Variants in MTUS2 observed in about 807,000 individuals in gnomAD.
The protein encoded by MTUS2 is microtubule associated scaffold protein 2.
MTUS2 carries 40 observed loss-of-function variants against 114.1 expected under a neutral mutation model. The ratio of observed to expected loss-of-function variants is 0.35; its 90% confidence interval spans 0.27 to 0.46. MTUS2 has a LOEUF of 0.46. MTUS2 is among the 20% of genes least tolerant of loss of function. The pLI is 1.00. For synonymous variants in MTUS2, 688 were observed against 672.0 expected, an observed-to-expected ratio of 1.02 and a Z score of -0.37; for missense variants, 1,679 against 1,705.4, an observed-to-expected ratio of 0.98 and a Z score of 0.27.
chr13:28,970,289 A>T (rs1012606776), intron 2 of MTUS2, among the ~76,000 whole-genome samples: 2 of 152,224 alleles, frequency 1.3e-5, no homozygotes, highest in African/African-American at 4.8e-5. Flanking sequence ...AGAATAATAT[A>T]AATTTTTTAT....
chr13:29,442,311 A>T (rs1423561749), intron 9 of MTUS2, among the ~76,000 whole-genome samples: 1 of 152,214 alleles, frequency 6.6e-6, no homozygotes, highest in Non-Finnish European at 1.5e-5. Flanking sequence ...GGTAAGTCTA[A>T]GCCACTTAAG....
chr13:28,895,638 G>T (rs1052239416), intron 2 of MTUS2, among the ~76,000 whole-genome samples: 1 of 152,190 alleles, frequency 6.6e-6, no homozygotes, highest in African/African-American at 2.4e-5. Context: ...GGTCCATGAA[G>T]ATGAGTATTA....
At chr13:29,293,770 C>G (rs1174830778) in intron 6 of MTUS2, among the ~76,000 whole-genome samples, 1 of 151,990 alleles carries the variant, frequency 6.6e-6, no homozygotes, top group Non-Finnish European at 1.5e-5. Flanking sequence ...TGAGATAGAT[C>G]TACATGAATT....
At chr13:29,044,030 A>G (rs1314364590) in intron 4 of MTUS2, among the ~76,000 whole-genome samples, 1 of 152,088 alleles carries the variant, frequency 6.6e-6, no homozygotes, top group Non-Finnish European at 1.5e-5. Context: ...CTTTTGAGTT[A>G]CTCATTTAAT....
At chr13:29,164,511 T>G (rs1893233696) in intron 5 of MTUS2, among the ~76,000 whole-genome samples, 1 of 152,236 alleles carries the variant, frequency 6.6e-6, no homozygotes, top group Admixed American at 6.5e-5. Context: ...AAAGATTGGT[T>G]ATTGACAGGG....
At chr13:28,935,096 T>C (rs576859254) in intron 2 of MTUS2, among the ~76,000 whole-genome samples, 2 of 151,144 alleles carry the variant, frequency 1.3e-5, no homozygotes, top group East Asian at 3.9e-4. Flanking sequence ...GTCTGGCTTC[T>C]TTTGCTGTAC....
At chr13:28,894,546 C>A (rs1879152265) in intron 2 of MTUS2, among the ~76,000 whole-genome samples, 1 of 152,200 alleles carries the variant, frequency 6.6e-6, no homozygotes, top group South Asian at 2.1e-4. Context: ...AGTCTGTCCA[C>A]TCCGTGGTGT....
intron 2 of MTUS2, among the ~76,000 whole-genome samples, chr13:28,931,342 C>G (rs898751989): frequency 6.6e-6 from 1 of 152,126 alleles, no homozygotes; most frequent in Non-Finnish European, 1.5e-5. Context: ...CTCAACTTCC[C>G]CAGGTGTTGA....
intron 2 of MTUS2, among the ~76,000 whole-genome samples, chr13:28,898,365 C>T (rs1028984063): frequency 1.2e-4 from 19 of 152,160 alleles, no homozygotes; most frequent in Admixed American, 1.3e-4. Context: ...AACCTAAAAA[C>T]CTTTCTTGTC....
intron 2 of MTUS2, among the ~76,000 whole-genome samples, chr13:28,870,851 T>C (rs1159166532): frequency 6.6e-6 from 1 of 152,224 alleles, no homozygotes; most frequent in African/African-American, 2.4e-5. Flanking sequence ...TGTTCAGTTT[T>C]AGTTCTTGCC....
intron 5 of MTUS2, among the ~76,000 whole-genome samples, chr13:29,122,909 GC>G (rs1291870144): frequency 6.6e-6 from 1 of 152,194 alleles, no homozygotes; most frequent in Non-Finnish European, 1.5e-5. Context: ...TTAAAATGTA[GC>G]TTTTGTGGAC....
chr13:29,235,285 G>A (rs1355625217), intron 5 of MTUS2, among the ~76,000 whole-genome samples: 1 of 152,030 alleles, frequency 6.6e-6, no homozygotes, highest in African/African-American at 2.4e-5. Flanking sequence ...TAGAGATGGG[G>A]TTTCTCCATG....
intron 2 of MTUS2, among the ~76,000 whole-genome samples, chr13:28,955,895 A>T (rs1053558642): frequency 6.6e-6 from 1 of 151,604 alleles, no homozygotes; most frequent in Non-Finnish European, 1.5e-5. Context: ...TGCTCCAGAC[A>T]TGGATGAATT....
At chr13:29,232,404 T>C (rs1340249116) in intron 5 of MTUS2, among the ~76,000 whole-genome samples, 1 of 152,112 alleles carries the variant, frequency 6.6e-6, no homozygotes, top group Non-Finnish European at 1.5e-5. Flanking sequence ...TTTTATGTAA[T>C]CATAAATTCC....
chr13:28,935,067 T>C (rs1204402324), intron 2 of MTUS2, among the ~76,000 whole-genome samples: 5 of 148,868 alleles, frequency 3.4e-5, no homozygotes, highest in African/African-American at 1.0e-4. Context: ...ATGTAATCAT[T>C]GATCAGGTGC....
chr13:28,869,731 G>A lies in MTUS2; in HGVS notation c.-243+29881G>A, dbSNP rs777527423. 4.6e-5 allele frequency among the ~76,000 whole-genome samples: 7 copies of A among 152,008 alleles called. No individual in the cohort carries two copies. The East Asian group carries it at 5.8e-4, about 13-fold the overall frequency. ...GGTTGCACTGAGCTGAGATCACGCC[G>A]TTGCACACCAGCCTGGTGACAGAGC... On this transcript the variant is annotated intron_variant, in intron 2 of 15. Coordinates refer to ENST00000612955, the MANE Select transcript of MTUS2 (RefSeq NM_001033602.4).
At chr13:29,457,513 T>C (rs1040154869) in intron 9 of MTUS2, among the ~76,000 whole-genome samples, 1 of 152,132 alleles carries the variant, frequency 6.6e-6, no homozygotes, top group Non-Finnish European at 1.5e-5. Context: ...CATGAGTAAC[T>C]ATACACCACA....
At chr13:29,119,621 A>C (rs1891226828) in intron 5 of MTUS2, among the ~76,000 whole-genome samples, 1 of 152,220 alleles carries the variant, frequency 6.6e-6, no homozygotes. Flanking sequence ...TCTGATTCTG[A>C]AGACCTGAGC....
chr13:29,307,447 C>T, intron 6 of MTUS2: 10 of 1,319,732 alleles, frequency 7.6e-6, no homozygotes, highest in Non-Finnish European at 9.8e-6. Flanking sequence ...CATCCCTGAG[C>T]TGAATGGGAA....
Sources: allele counts gnomAD v4.1 joint callset (sites outside exome capture counted in the v4.1 genomes callset), GRCh38; gene constraint gnomAD v4.1.1; transcripts MANE v1.5; gene names NCBI Gene and HGNC (gene_info 2026-07-23, HGNC 2026-07-21).